SEL1L3: variants seen among roughly 807,000 people sequenced by gnomAD.
SEL1L3 encodes SEL1L family member 3, also known as protein sel-1 homolog 3.
Under a neutral mutation model 142.8 loss-of-function variants are expected in SEL1L3, and 76 were observed. The ratio of observed to expected loss-of-function variants is 0.53; its 90% CI spans 0.44 to 0.64. SEL1L3 has a LOEUF of 0.64. Ranked by LOEUF, SEL1L3 falls within the 30% of genes least tolerant of loss-of-function variation. SEL1L3 has a pLI of 0.00. For missense variants in SEL1L3, 1,262 were observed against 1,381.7 expected (o/e 0.91, Z 1.37); for synonymous variants, 504 against 519.6 (o/e 0.97, Z 0.41).
chr4:25,795,209 TATA>T (rs1425334396), intron 11 of SEL1L3, among the ~76,000 whole-genome samples: 10 of 152,146 alleles, frequency 6.6e-5, no homozygotes, highest in Non-Finnish European at 1.2e-4. Context: ...GAACATAAAA[TATA>T]ATATTTCTTT....
At chr4:25,776,200 AT>A in intron 17 of SEL1L3, 76 bp downstream of exon 17, 2 of 894,952 alleles carry the variant, frequency 2.2e-6, no homozygotes, top group Non-Finnish European at 3.6e-6. Context: ...TCTCAGTTGC[AT>A]TTTAAGACTC....
intron 10 of SEL1L3, among the ~76,000 whole-genome samples, chr4:25,803,508 G>A (rs189471276): frequency 1.4e-4 from 21 of 152,340 alleles, no homozygotes; most frequent in Admixed American, 7.8e-4. Context: ...TGCTTATTGC[G>A]ATGGTTCATT....
At chr4:25,843,799 T>A (rs1716325492) in intron 2 of SEL1L3, among the ~76,000 whole-genome samples, 1 of 152,230 alleles carries the variant, frequency 6.6e-6, no homozygotes, top group Non-Finnish European at 1.5e-5. Context: ...CTGCTGCGTC[T>A]CCACCAAAAA....
At chr4:25,783,417 C>T (rs1206947809) in intron 14 of SEL1L3, among the ~76,000 whole-genome samples, 1 of 152,212 alleles carries the variant, frequency 6.6e-6, no homozygotes, top group Non-Finnish European at 1.5e-5. Context: ...GAAGAAAATT[C>T]AGCATGGTCA....
chr4:25,850,856 TG>T (rs1428216180), intron 1 of SEL1L3, among the ~76,000 whole-genome samples: 1 of 151,766 alleles, frequency 6.6e-6, no homozygotes, highest in Non-Finnish European at 1.5e-5. Context: ...TTTGTTTGTT[TG>T]TTTTTTTTTT....
In SEL1L3 at chr4:25,800,607, TA is replaced by T. The variant is rs34283561; in HGVS notation, c.1956+1675del. 3.9e-5 allele frequency among the ~76,000 whole-genome samples: 6 copies of T among 152,110 alleles called. No individual in the cohort carries two copies. The South Asian group carries it at 8.3e-4, about 21-fold the overall frequency. ...CATTATTAACACATCCAGGCTTAGT[TA>T]AAAAAAATAGTTTTTTTTGGCTTGG... On this transcript the variant is annotated intron_variant, in intron 11 of 23. Coordinates refer to ENST00000399878, the MANE Select transcript of SEL1L3 (RefSeq NM_015187.5).
intron 6 of SEL1L3, among the ~76,000 whole-genome samples, chr4:25,826,666 GTTTGTTTTGTTTTTTGT>G (rs1260710370): frequency 6.6e-6 from 1 of 151,982 alleles, no homozygotes; most frequent in South Asian, 2.1e-4. Flanking sequence ...AGCTTTTTTG[GTTTGTTTTGTTTTTTGT>G]TTTGTTTTGT....
intron 13 of SEL1L3, among the ~76,000 whole-genome samples, chr4:25,787,674 C>G (rs185702972): frequency 6.6e-6 from 1 of 152,162 alleles, no homozygotes; most frequent in Non-Finnish European, 1.5e-5. Context: ...TTCATTGGTC[C>G]TATTATCTCA....
chr4:25,802,625 A>G (rs1713262870), intron 10 of SEL1L3, among the ~76,000 whole-genome samples, 163 bp from the exon 11 acceptor site: 1 of 152,122 alleles, frequency 6.6e-6, no homozygotes, highest in South Asian at 2.1e-4. Flanking sequence ...CCTGTCGCCC[A>G]GGCTGGAGTG....
At chr4:25,781,951 A>T (rs1286615442) in intron 15 of SEL1L3, among the ~76,000 whole-genome samples, 1 of 151,278 alleles carries the variant, frequency 6.6e-6, no homozygotes, top group Non-Finnish European at 1.5e-5. Context: ...GTCATCTCCC[A>T]CTCTTCCCTC....
At chr4:25,771,931 T>C (rs975713348) in intron 17 of SEL1L3, among the ~76,000 whole-genome samples, 3 of 152,216 alleles carry the variant, frequency 2.0e-5, no homozygotes, top group African/African-American at 7.2e-5. Context: ...GCTCCTCTTT[T>C]AAACTATCCC....
At chr4:25,854,382 A>G (rs1717102964) in intron 1 of SEL1L3, among the ~76,000 whole-genome samples, 1 of 152,124 alleles carries the variant, frequency 6.6e-6, no homozygotes, top group African/African-American at 2.4e-5. Flanking sequence ...GGTTCAAGTG[A>G]TTCTCGTGCC....
chr4:25,822,805 G>C (rs540038106), intron 6 of SEL1L3, among the ~76,000 whole-genome samples: 1 of 152,320 alleles, frequency 6.6e-6, no homozygotes, highest in South Asian at 2.1e-4. Context: ...TTTATAGAAT[G>C]CATGAAGGTG....
At chr4:25,732,582 A>G in the SEL1L3 span, among the ~76,000 whole-genome samples, 24 of 152,312 alleles carry the variant, frequency 1.6e-4, 1 homozygote, top group South Asian at 2.9e-3. Flanking sequence ...TTGAATGATG[A>G]CGTTCAGCCT....
the SEL1L3 span, among the ~76,000 whole-genome samples, chr4:25,734,211 G>T: frequency 1.3e-5 from 2 of 151,914 alleles, no homozygotes; most frequent in East Asian, 2.0e-4. Context: ...TTGTTTGTTT[G>T]TTTTTTGTAT....
At chr4:25,732,070 T>C in the SEL1L3 span, among the ~76,000 whole-genome samples, 12 of 151,274 alleles carry the variant, frequency 7.9e-5, no homozygotes, top group Non-Finnish European at 1.2e-4. Context: ...TGGGAGTCTG[T>C]GAAAGGAAGG....
intron 11 of SEL1L3, 41 bp from the exon 12 acceptor site, chr4:25,790,615 G>A: frequency 6.3e-5 from 2 of 31,960 alleles, no homozygotes. Flanking sequence ...GGGAAAGAAG[G>A]AAGGAAGGAA....
the SEL1L3 span, among the ~76,000 whole-genome samples, chr4:25,714,188 T>C: frequency 6.6e-6 from 1 of 152,150 alleles, no homozygotes; most frequent in Non-Finnish European, 1.5e-5. Flanking sequence ...GTTCATGTCA[T>C]AAAGTGAGGG....
intron 2 of SEL1L3, among the ~76,000 whole-genome samples, chr4:25,846,401 A>G (rs1284236215): frequency 6.6e-6 from 1 of 152,210 alleles, no homozygotes; most frequent in Admixed American, 6.5e-5. Flanking sequence ...CATCTCATTT[A>G]GTCCTCACAG....
Sources: allele counts gnomAD v4.1 joint callset (sites outside exome capture counted in the v4.1 genomes callset), GRCh38; gene constraint gnomAD v4.1.1; transcripts MANE v1.5; gene names NCBI Gene and HGNC (gene_info 2026-07-23, HGNC 2026-07-21).